The following CEP290 variants were observed in gnomAD, a reference collection of about 807,000 sequenced individuals.
CEP290 encodes the protein centrosomal protein of 290 kDa.
Under a neutral mutation model 344.9 loss-of-function variants are expected in CEP290, and 317 were observed. The observed-to-expected ratio is 0.92, with a 90% CI of 0.84 to 1.01. CEP290 has a LOEUF of 1.01. Among genes scored for constraint, CEP290 ranks in the 50% least tolerant of loss-of-function variants. The pLI is 0.00. For missense variants in CEP290, 2,754 were observed against 2,761.4 expected (o/e 1.00, Z 0.06); for synonymous variants, 932 against 895.8 (o/e 1.04, Z -0.72).
At chr12:88,126,826 G>A (rs2039759880) in intron 11 of CEP290, among the ~76,000 whole-genome samples, 1 of 151,816 alleles carries the variant, frequency 6.6e-6, no homozygotes, top group African/African-American at 2.4e-5. Flanking sequence ...TGAAAGAAAA[G>A]GTATCTTGTG....
chr12:88,141,991 T>G lies in CEP290; in HGVS notation c.-119A>C, dbSNP rs1484545834. The G allele has an allele frequency of 6.6e-6, 1 of 152,106 alleles. No homozygotes were observed. The highest frequency in any genetic ancestry group is 1.5e-5 in the Non-Finnish European group (1 of 68,060). The allele number at this position is 152,106 out of a possible 1,614,324, so 9.4% of individuals were successfully genotyped here. A position where few individuals can be genotyped will look rare whatever the true frequency, so the allele number is the denominator to read the frequency against. On this transcript the variant is annotated 5_prime_UTR_variant, in exon 1 of 54. Coordinates refer to ENST00000552810, the MANE Select transcript of CEP290 (RefSeq NM_025114.4). Reference sequence around the variant, plus strand: ...GGGCCCTGACAGATCCCTATCGCGGTTCCACGCGGACTCTGGGTCCAGCCA... The same window carrying G: ...GGGCCCTGACAGATCCCTATCGCGGGTCCACGCGGACTCTGGGTCCAGCCA...
Position 88,086,395 on chromosome 12 carries a change from T to C in CEP290, c.4298A>G (p.Gln1433Arg), listed in dbSNP as rs1157241942. 3 of 1,581,138 alleles carry C rather than the reference T, an allele frequency of 1.9e-6. No homozygotes were observed. Among genetic ancestry groups the C allele is most frequent in the Non-Finnish European group, 2.6e-6 (3 of 1,160,944 alleles). The change falls in exon 33 of 54, where the codon CAA becomes CGA. Residue 1433 changes from glutamine to arginine, a missense_variant. By Grantham distance (43) the Gln-to-Arg change is conservative. Coordinates refer to ENST00000552810, the MANE Select transcript of CEP290 (RefSeq NM_025114.4). ...AACAAGATTAATCATTCATACCTTTTGTGCCGCATTTAGTATTTCATTTTG... is the reference window on the plus strand; with the variant it reads ...AACAAGATTAATCATTCATACCTTTCGTGCCGCATTTAGTATTTCATTTTG... The part of the protein sequence containing the change: ...RQQNEILNAA[Q>R]KFEEATGSIP...
intron 7 of CEP290, 144 bp from the exon 8 acceptor site, chr12:88,130,709 T>A (rs2040017771): frequency 1.8e-6 from 1 of 552,776 alleles, no homozygotes; most frequent in Non-Finnish European, 3.0e-6. Context: ...GAATACTAAT[T>A]ATCTACCAAA....
chr12:88,065,048 A>T (rs917954642), intron 44 of CEP290, among the ~76,000 whole-genome samples: 102 of 152,102 alleles, frequency 6.7e-4, no homozygotes, highest in African/African-American at 2.3e-3. Context: ...TTCTCATTCT[A>T]AACTTTATTT....
intron 18 of CEP290, chr12:88,115,730 A>T (rs2038999347): frequency 1.1e-6 from 1 of 922,538 alleles, no homozygotes. Flanking sequence ...GTCATAAAAG[A>T]ACAACCACAG....
intron 51 of CEP290, among the ~76,000 whole-genome samples, chr12:88,054,067 G>C (rs1338118403): frequency 6.6e-6 from 1 of 152,126 alleles, no homozygotes; most frequent in African/African-American, 2.4e-5. Context: ...ATTTTCCTCT[G>C]GGAAGCTAAG....
At chr12:88,123,420 C>T (rs1209286345) in intron 13 of CEP290, among the ~76,000 whole-genome samples, 1 of 152,068 alleles carries the variant, frequency 6.6e-6, no homozygotes, top group African/African-American at 2.4e-5. Context: ...ATGACCATTG[C>T]TAAGTCCAAT....
At chr12:88,052,371 CAAT>C (rs1182300129) in intron 52 of CEP290, among the ~76,000 whole-genome samples, 1 of 152,082 alleles carries the variant, frequency 6.6e-6, no homozygotes, top group East Asian at 1.9e-4. Context: ...CTTATACATG[CAAT>C]AATACACTAT....
At position 88,068,545 on chromosome 12, in the gene CEP290, T is replaced by C; in HGVS notation, c.6112A>G (p.Lys2038Glu). Residue 2038 changes from lysine to glutamate, a missense_variant, in exon 44 of 54, where the codon AAG becomes GAG. Physicochemically the swap from Lys to Glu is moderately conservative, Grantham distance 56. Coordinates refer to ENST00000552810, the MANE Select transcript of CEP290 (RefSeq NM_025114.4). ...ACTGAAGGCTTAGAATATGTATCCT[T>C]TGAAAACTGTTTTTCTAAAGCATGA... ...KLHALEKQFS[K>E]DTYSKPSISG... 4 of 1,569,870 alleles carry C rather than the reference T, an allele frequency of 2.5e-6. No individual in the cohort carries two copies. The highest frequency in any genetic ancestry group is 3.5e-6 in the Non-Finnish European group (4 of 1,157,454).
At chr12:88,093,626 TTTTA>T (rs757605792) in intron 28 of CEP290, 140 bp downstream of exon 28, 26 of 584,454 alleles carry the variant, frequency 4.4e-5, no homozygotes, top group South Asian at 2.7e-4. Context: ...GATTTAAATC[TTTTA>T]TTTATTTATT....
chr12:88,125,137 A>G, intron 13 of CEP290, 109 bp downstream of exon 13: 1 of 376,754 alleles, frequency 2.7e-6, no homozygotes, highest in African/African-American at 2.1e-5. Context: ...TTGAAAATAT[A>G]AAATTCAAAT....
Position 88,121,004 on chromosome 12 carries a change from T to C in CEP290, c.1352A>G (p.Tyr451Cys). The C allele has an allele frequency of 6.2e-7, 1 of 1,610,024 alleles. No individual in the cohort carries two copies. The highest frequency in any genetic ancestry group is 1.1e-5 in the South Asian group (1 of 90,200). ...LVEALKRLKD[Y>C]ESGVYGLEDA... ...CAAGATAAAAATACATACCGATTCA[T>C]AATCTTTTAACCTCTTCAGAGCCTC... Residue 451 changes from tyrosine to cysteine, a missense_variant, in exon 14 of 54, where the codon TAT (tyrosine) becomes TGT (cysteine). Physicochemically the swap from Tyr to Cys is radical, Grantham distance 194. Coordinates refer to ENST00000552810, the MANE Select transcript of CEP290 (RefSeq NM_025114.4).
At chr12:88,111,124 AC>A in intron 22 of CEP290, 77 bp downstream of exon 22, 1 of 796,666 alleles carries the variant, frequency 1.3e-6, no homozygotes, top group Non-Finnish European at 1.8e-6. Context: ...AAAAATAAAA[AC>A]ATAAAGAAAC....
At chr12:88,120,342 GA>G (rs1293703412) in intron 14 of CEP290, 66 bp from the exon 15 acceptor site, 2 of 838,154 alleles carry the variant, frequency 2.4e-6, no homozygotes, top group Non-Finnish European at 3.4e-6. Context: ...TCAAGTTCAT[GA>G]TTTTTTTTTT....
chr12:88,131,843 T>C (rs1169972379), intron 6 of CEP290, among the ~76,000 whole-genome samples: 1 of 152,178 alleles, frequency 6.6e-6, no homozygotes, highest in South Asian at 2.1e-4. Context: ...GCCCAACATC[T>C]TTATTTTACT....
At chr12:88,076,564 T>G (rs1391747870) in intron 41 of CEP290, among the ~76,000 whole-genome samples, 2 of 152,228 alleles carry the variant, frequency 1.3e-5, no homozygotes, top group Non-Finnish European at 2.9e-5. Flanking sequence ...ATCTCCAATT[T>G]ATTGTCCATA....
At chr12:88,076,450 C>T (rs975002616) in intron 41 of CEP290, among the ~76,000 whole-genome samples, 2 of 151,854 alleles carry the variant, frequency 1.3e-5, no homozygotes, top group African/African-American at 4.8e-5. Flanking sequence ...AAAAATTTTC[C>T]TAACCATAGC....
At chr12:88,050,315 G>A (rs767805477) in intron 53 of CEP290, 39 bp downstream of exon 53, 5 of 1,040,304 alleles carry the variant, frequency 4.8e-6, no homozygotes, top group Non-Finnish European at 5.8e-6. Context: ...TTCAACAGCT[G>A]TTTTCACAAA....
At chr12:88,127,250 G>A (rs2039791971) in intron 11 of CEP290, among the ~76,000 whole-genome samples, 1 of 152,164 alleles carries the variant, frequency 6.6e-6, no homozygotes, top group African/African-American at 2.4e-5. Flanking sequence ...CACTTTGGGA[G>A]GCCCAGGCAG....
Sources: allele counts gnomAD v4.1 joint callset (sites outside exome capture counted in the v4.1 genomes callset), GRCh38; gene constraint gnomAD v4.1.1; transcripts MANE v1.5; gene names NCBI Gene and HGNC (gene_info 2026-07-23, HGNC 2026-07-21).